GOLPH3: variants seen among roughly 807,000 people sequenced by gnomAD.
GOLPH3 encodes golgi phosphoprotein 3.
A neutral mutation model predicts 28.5 loss-of-function variants in GOLPH3; 14 were observed. The ratio of observed to expected loss-of-function variants is 0.49; its 90% CI spans 0.32 to 0.77. The LOEUF (loss-of-function observed/expected upper bound fraction) is 0.77, where lower values mean the gene tolerates loss of function less well. GOLPH3 is among the 30% of genes least tolerant of loss of function. The probability of loss-of-function intolerance (pLI) is 0.03; values close to 1 mark genes in which losing one functional copy is unlikely to be tolerated. For missense variants in GOLPH3, 350 were observed against 393.7 expected (o/e 0.89, Z 0.94); for synonymous variants, 158 against 159.2 (o/e 0.99, Z 0.06).
chr5:32,173,345 GA>G lies in GOLPH3; in HGVS notation c.225+464del, dbSNP rs375637675. 3.4e-5 allele frequency among the ~76,000 whole-genome samples: 5 copies of G among 147,174 alleles called. No individual in the cohort carries two copies. In the East Asian group the frequency reaches 6.0e-4, roughly 18 times the overall value. ...ACAGTAAGCTTTAACTGAAGAAGAA[GA>G]AAAAAAAAACATCCCCAGCAAGCAG... On this transcript the variant is annotated intron_variant, in intron 1 of 3. Coordinates refer to ENST00000265070, the MANE Select transcript of GOLPH3 (RefSeq NM_022130.4).
intron 1 of GOLPH3, among the ~76,000 whole-genome samples, chr5:32,157,275 A>C (rs1275542835): frequency 2.0e-5 from 3 of 152,162 alleles, no homozygotes; most frequent in Non-Finnish European, 4.4e-5. Flanking sequence ...TCCAATCCTC[A>C]GCCTTCCTCC....
intron 3 of GOLPH3, among the ~76,000 whole-genome samples, chr5:32,131,107 T>C (rs997599421): frequency 2.6e-5 from 4 of 152,208 alleles, no homozygotes; most frequent in African/African-American, 4.8e-5. Flanking sequence ...AGCAATTCCC[T>C]GGGAAGAGGG....
intron 2 of GOLPH3, among the ~76,000 whole-genome samples, chr5:32,142,878 C>T (rs1411206949): frequency 2.7e-5 from 4 of 150,872 alleles, no homozygotes; most frequent in African/African-American, 7.4e-5. Context: ...AGGTGAGGGG[C>T]GCCTCTGCCC....
intron 1 of GOLPH3, among the ~76,000 whole-genome samples, chr5:32,153,732 A>C (rs956833322): frequency 5.3e-5 from 8 of 152,218 alleles, no homozygotes; most frequent in Admixed American, 3.3e-4. Flanking sequence ...TGAACCAAAA[A>C]CCACGTAAAC....
intron 3 of GOLPH3, among the ~76,000 whole-genome samples, chr5:32,133,607 T>C (rs1394949314): frequency 2.6e-5 from 4 of 152,268 alleles, no homozygotes; most frequent in Admixed American, 1.3e-4. Context: ...TAAAACATTA[T>C]GTTTACTAAT....
intron 3 of GOLPH3, among the ~76,000 whole-genome samples, chr5:32,132,117 C>T (rs1340072846): frequency 6.6e-6 from 1 of 152,206 alleles, no homozygotes; most frequent in Admixed American, 6.5e-5. Flanking sequence ...GACTGCACCA[C>T]TGCACTACAG....
At chr5:32,139,974 T>C (rs1746020258) in intron 2 of GOLPH3, among the ~76,000 whole-genome samples, 1 of 152,034 alleles carries the variant, frequency 6.6e-6, no homozygotes, top group Non-Finnish European at 1.5e-5. Flanking sequence ...AGACAACTCT[T>C]TAAGAGTAGC....
chr5:32,126,707 T>TA, intron 3 of GOLPH3, 71 bp from the exon 4 acceptor site: 1 of 1,183,610 alleles, frequency 8.4e-7, no homozygotes, highest in East Asian at 2.4e-5. Flanking sequence ...TTTGTACTAT[T>TA]AAACAGTAAA....
chr5:32,150,239 A>G (rs750495038), intron 1 of GOLPH3, among the ~76,000 whole-genome samples: 1 of 152,052 alleles, frequency 6.6e-6, no homozygotes, highest in South Asian at 2.1e-4. Flanking sequence ...AACCTATATG[A>G]AAAGTTTAAA....
At position 32,125,039 on chromosome 5, in the gene GOLPH3, T is replaced by C. The variant is rs1745645278; in HGVS notation, c.*1173A>G. The C allele has an allele frequency of 6.6e-6, 1 of 152,668 alleles. No individual in the cohort carries two copies. The highest frequency in any genetic ancestry group is 6.5e-5 in the Admixed American group (1 of 15,278). 9.5% of individuals were successfully genotyped at this position (152,668 alleles called of 1,614,324 possible). A position where few individuals can be genotyped will look rare whatever the true frequency, so the allele number is the denominator to read the frequency against. Reference sequence around the variant, plus strand: ...AAGGTTTATAGTCTGACAATGCTAATTATCCTAATTGTATATAAAAAATTA... The same window carrying C: ...AAGGTTTATAGTCTGACAATGCTAACTATCCTAATTGTATATAAAAAATTA... On this transcript the variant is annotated 3_prime_UTR_variant, in exon 4 of 4. Coordinates refer to ENST00000265070, the MANE Select transcript of GOLPH3 (RefSeq NM_022130.4).
At chr5:32,165,482 T>G (rs561005331) in intron 1 of GOLPH3, among the ~76,000 whole-genome samples, 1 of 151,960 alleles carries the variant, frequency 6.6e-6, no homozygotes, top group Admixed American at 6.6e-5. Flanking sequence ...ACTCAGAAGG[T>G]TGAGGCAGGA....
chr5:32,146,821 C>A (rs561439408), intron 1 of GOLPH3, among the ~76,000 whole-genome samples: 1 of 152,192 alleles, frequency 6.6e-6, no homozygotes, highest in South Asian at 2.1e-4. Flanking sequence ...AGTGTCCAAT[C>A]TTTTGGCTTC....
At chr5:32,159,399 C>T (rs1213107224) in intron 1 of GOLPH3, among the ~76,000 whole-genome samples, 1 of 152,210 alleles carries the variant, frequency 6.6e-6, no homozygotes, top group East Asian at 1.9e-4. Context: ...GAATCTTCCA[C>T]TTGTGATATC....
chr5:32,146,836 G>A (rs925904112), intron 1 of GOLPH3, among the ~76,000 whole-genome samples: 2 of 151,866 alleles, frequency 1.3e-5, no homozygotes, highest in African/African-American at 4.8e-5. Flanking sequence ...GGCTTCCCTG[G>A]GCCATACTGG....
Position 32,126,605 on chromosome 5 carries a change from A to G in GOLPH3, c.504T>C (p.Tyr168=), listed in dbSNP as rs1033896645. The stretch of plus-strand genomic sequence containing the variant: ...ATCGTTCCCGTACATTTCTTAACTG[A>G]TAATGCAATTTTAATGGATTCCATG... ...GETWNPLKLH[Y]QLRNVRERLA... Residue 168 remains tyrosine (Y), a synonymous_variant, in exon 4 of 4, where the codon TAT becomes TAC. Coordinates refer to ENST00000265070, the MANE Select transcript of GOLPH3 (RefSeq NM_022130.4). 1 of 1,613,214 alleles carries G rather than the reference A, an allele frequency of 6.2e-7. No homozygotes were observed. The highest frequency in any genetic ancestry group is 1.3e-5 in the African/African-American group (1 of 74,818).
intron 1 of GOLPH3, among the ~76,000 whole-genome samples, chr5:32,150,422 GAA>G (rs35032469): frequency 1.9e-5 from 2 of 107,962 alleles, no homozygotes; most frequent in South Asian, 3.1e-4. Flanking sequence ...AGTTCCTAAA[GAA>G]AAAAAAAAAA....
intron 1 of GOLPH3, among the ~76,000 whole-genome samples, chr5:32,165,688 C>T (rs1377346576): frequency 6.6e-6 from 1 of 152,190 alleles, no homozygotes; most frequent in Non-Finnish European, 1.5e-5. Flanking sequence ...TGAAGACAGA[C>T]ATGTTCTTCA....
intron 1 of GOLPH3, among the ~76,000 whole-genome samples, chr5:32,150,354 A>G (rs2111868327): frequency 6.6e-6 from 1 of 151,956 alleles, no homozygotes; most frequent in East Asian, 1.9e-4. Context: ...TAATAAATGT[A>G]ATATCCCAAT....
At chr5:32,162,418 G>A (rs1432966826) in intron 1 of GOLPH3, among the ~76,000 whole-genome samples, 3 of 149,756 alleles carry the variant, frequency 2.0e-5, no homozygotes, top group Non-Finnish European at 4.4e-5. Context: ...CATGAACCCG[G>A]GAGGCGGAGC....
Sources: gnomAD v4.1 joint callset for allele counts (sites outside exome capture counted in the v4.1 genomes callset) on GRCh38, gnomAD v4.1.1 for gene constraint, MANE v1.5 for transcripts, NCBI Gene and HGNC (gene_info 2026-07-23, HGNC 2026-07-21) for gene names.